The following EML6 variants were observed in gnomAD, a reference collection of about 807,000 sequenced individuals.
EML6 encodes the protein EMAP like 6.
Under a neutral mutation model 240.1 loss-of-function variants are expected in EML6, and 154 were observed. The ratio of observed to expected loss-of-function variants is 0.64; its 90% CI spans 0.56 to 0.73. The LOEUF (loss-of-function observed/expected upper bound fraction) is 0.73. Ranked by LOEUF, EML6 falls within the 30% of genes least tolerant of loss-of-function variation. EML6 has a pLI of 0.00. For missense variants in EML6, 2,964 were observed against 2,474.6 expected (o/e 1.20, Z -4.20); for synonymous variants, 1,148 against 899.0 (o/e 1.28, Z -4.95).
chr2:54,877,433 A>T (rs143309303), intron 16 of EML6, among the ~76,000 whole-genome samples: 8 of 147,676 alleles, frequency 5.4e-5, no homozygotes, highest in Non-Finnish European at 1.0e-4. Flanking sequence ...CTTACAAAGG[A>T]AATGTGATAA....
At position 54,895,389 on chromosome 2, in the gene EML6, C is replaced by T. The variant is rs377644088; in HGVS notation, c.2971C>T (p.Leu991=). ...AATTGATAAGAGTGGCCCAATGACA[C>T]TGCTTGTTCAGGTACTGTTTGTATG... The part of the protein sequence containing the change: ...LEIDKSGPMT[L]LVQGHMEGEV... Residue 991 remains leucine, a synonymous_variant, in exon 21 of 42, where the codon CTG becomes TTG. Coordinates refer to ENST00000356458, the MANE Select transcript of EML6 (RefSeq NM_001039753.4). 1.2e-5 allele frequency: 19 copies of T among 1,551,802 alleles called. No homozygotes were observed. Among genetic ancestry groups the T allele is most frequent in the Admixed American group, 3.9e-5 (2 of 50,970 alleles).
At chr2:54,868,274 G>A (rs1207514604) in intron 14 of EML6, 1 of 152,016 alleles carries the variant, frequency 6.6e-6, no homozygotes, top group Non-Finnish European at 1.5e-5. Context: ...ATAGTTATTA[G>A]TAAAGTCGAC....
rs1437878922 is a variant in EML6 at position 54,899,698 on chromosome 2, G to C, written c.3040G>C (p.Ala1014Pro). Residue 1014 changes from alanine to proline, a missense_variant, in exon 22 of 42, where the codon GCA (alanine) becomes CCA (proline). Coordinates refer to ENST00000356458, the MANE Select transcript of EML6 (RefSeq NM_001039753.4). ...AGCTCACCCTCTCCTGCCCATCTGT[G>C]CAACAGTGAGCGATGATAAAACACT... ...LAAHPLLPIC[A>P]TVSDDKTLRI... is the part of the protein sequence containing the mutation. The C allele has an allele frequency of 6.4e-7, 1 of 1,553,078 alleles. No individual in the cohort carries two copies. The highest frequency in any genetic ancestry group is 8.7e-7 in the Non-Finnish European group (1 of 1,147,832).
intron 2 of EML6, among the ~76,000 whole-genome samples, chr2:54,772,297 T>G (rs73936457): frequency 0.036 from 5,528 of 152,230 alleles, 331 homozygotes; most frequent in African/African-American, 0.13. Context: ...GTTAGTGGTG[T>G]GAGAGAAGTG....
At chr2:54,881,533 TA>T (rs1211515728) in intron 17 of EML6, 5 of 150,282 alleles carry the variant, frequency 3.3e-5, no homozygotes, top group South Asian at 4.2e-4. Flanking sequence ...CGGGCGCCTG[TA>T]ATCCTAGCTA....
intron 2 of EML6, among the ~76,000 whole-genome samples, chr2:54,787,920 A>T (rs1669176244): frequency 6.6e-6 from 1 of 152,156 alleles, no homozygotes; most frequent in South Asian, 2.1e-4. Flanking sequence ...CCCGAGGCCT[A>T]GTTGAAACTT....
intron 17 of EML6, 103 bp downstream of exon 17, chr2:54,879,743 A>G: frequency 1.3e-6 from 1 of 751,844 alleles, no homozygotes; most frequent in Non-Finnish European, 2.2e-6. Context: ...AACTCAGGTG[A>G]AATTGACGTA....
chr2:54,824,756 G>T (rs1655528693), intron 5 of EML6, among the ~76,000 whole-genome samples: 1 of 152,296 alleles, frequency 6.6e-6, no homozygotes, highest in South Asian at 2.1e-4. Flanking sequence ...GTCAGAGACA[G>T]AAGGGACTTC....
chr2:54,950,023 A>G (rs1486094992), intron 29 of EML6, among the ~76,000 whole-genome samples: 2 of 152,220 alleles, frequency 1.3e-5, no homozygotes, highest in Admixed American at 6.5e-5. Context: ...TGATAGGCAC[A>G]GAGGAGCTGC....
chr2:54,787,676 T>C (rs1339406828), intron 2 of EML6, among the ~76,000 whole-genome samples: 1 of 152,198 alleles, frequency 6.6e-6, no homozygotes. Context: ...AGCATTTTGC[T>C]CATGGGGAAC....
rs575621987 is a variant in EML6 at position 54,961,184 on chromosome 2, G to GTTTTTTTTTTTTT, written c.4968+857_4968+869dup. ...GGAGCCTGGAAGTTATCAGGAAGTA[G>GTTTTTTTTTTTTT]TTTTTTTTTTTTTTTTTTTGAGACG... On this transcript the variant is annotated intron_variant, in intron 35 of 41. Coordinates refer to ENST00000356458, the MANE Select transcript of EML6 (RefSeq NM_001039753.4). 2.0e-4 allele frequency among the ~76,000 whole-genome samples: 11 copies of GTTTTTTTTTTTTT among 55,408 alleles called. 1 individual carries two copies. The highest frequency in any genetic ancestry group is 5.7e-4 in the African/African-American group (7 of 12,364). 36.3% of individuals were successfully genotyped at this position (55,408 alleles called of 152,430 possible).
intron 2 of EML6, among the ~76,000 whole-genome samples, chr2:54,771,432 A>G (rs1270543379): frequency 1.3e-5 from 2 of 152,208 alleles, no homozygotes; most frequent in Non-Finnish European, 2.9e-5. Context: ...TCAAAAGCCA[A>G]TCTTTAAATT....
chr2:54,778,139 G>A (rs1248143853), intron 2 of EML6, among the ~76,000 whole-genome samples: 1 of 152,108 alleles, frequency 6.6e-6, no homozygotes, highest in Non-Finnish European at 1.5e-5. Context: ...CCATTTATAT[G>A]TATCTGTGAA....
chr2:54,905,365 CACACACACACACAA>C (rs1279539985), intron 24 of EML6, among the ~76,000 whole-genome samples: 1 of 136,942 alleles, frequency 7.3e-6, no homozygotes, highest in African/African-American at 3.1e-5. Flanking sequence ...CACACACACA[CACACACACACACAA>C]AATACCTGAT....
At chr2:54,855,974 G>T (rs1270535262) in intron 11 of EML6, among the ~76,000 whole-genome samples, 1 of 152,214 alleles carries the variant, frequency 6.6e-6, no homozygotes, top group East Asian at 1.9e-4. Context: ...ACCATGAGCA[G>T]TTGTGGGAAA....
chr2:54,779,749 C>T (rs1668764829), intron 2 of EML6, among the ~76,000 whole-genome samples: 6 of 150,196 alleles, frequency 4.0e-5, no homozygotes. Flanking sequence ...ATAGTCACAG[C>T]TACTTGGAAG....
At chr2:54,745,217 G>T (rs1165834243) in intron 2 of EML6, among the ~76,000 whole-genome samples, 3 of 152,178 alleles carry the variant, frequency 2.0e-5, no homozygotes, top group African/African-American at 7.2e-5. Context: ...ACTGAATTCA[G>T]TTTAGAAGTG....
chr2:54,884,503 C>G (rs1359511299), intron 17 of EML6, among the ~76,000 whole-genome samples: 4 of 152,202 alleles, frequency 2.6e-5, no homozygotes, highest in South Asian at 4.1e-4. Flanking sequence ...TCCTCTACTA[C>G]TGCTTTGGTC....
chr2:54,946,405 T>G (rs901291279), intron 28 of EML6, among the ~76,000 whole-genome samples: 1 of 152,164 alleles, frequency 6.6e-6, no homozygotes, highest in South Asian at 2.1e-4. Context: ...ATGAGCTGAT[T>G]GGACTGAAAG....
Sources: gnomAD v4.1 joint callset for allele counts (sites outside exome capture counted in the v4.1 genomes callset) on GRCh38, gnomAD v4.1.1 for gene constraint, MANE v1.5 for transcripts, NCBI Gene and HGNC (gene_info 2026-07-23, HGNC 2026-07-21) for gene names.